The following CUL4A variants were observed in gnomAD, a reference collection of about 807,000 sequenced individuals.
CUL4A encodes the protein cullin 4A.
A neutral mutation model predicts 95.5 loss-of-function variants in CUL4A; 16 were observed. That is an observed-to-expected ratio of 0.17 (90% CI 0.11 to 0.25). The LOEUF is 0.25. Among genes scored for constraint, CUL4A ranks in the 10% least tolerant of loss-of-function variants. CUL4A has a pLI of 1.00. For missense variants in CUL4A, 610 were observed against 937.0 expected, an observed-to-expected ratio of 0.65 and a Z score of 4.56; for synonymous variants, 380 against 353.1, an observed-to-expected ratio of 1.08 and a Z score of -0.85.
intron 18 of CUL4A, 143 bp downstream of exon 18, chr13:113,255,268 C>A: frequency 1.8e-6 from 1 of 542,354 alleles, no homozygotes. Flanking sequence ...TAAGAGTACT[C>A]ATTTTCCTGT....
At chr13:113,208,484 G>A, upstream of CUL4A, 7 of 1,540,950 alleles carry the variant, frequency 4.5e-6, no homozygotes, top group Non-Finnish European at 6.1e-6. Flanking sequence ...GACCCGAACG[G>A]AAGAAGGGTG....
intron 15 of CUL4A, among the ~76,000 whole-genome samples, chr13:113,246,569 A>C (rs745851678): frequency 6.6e-6 from 1 of 152,240 alleles, no homozygotes; most frequent in Non-Finnish European, 1.5e-5. Context: ...GGCTGAGACC[A>C]GCCTGCAATC....
intron 5 of CUL4A, among the ~76,000 whole-genome samples, chr13:113,231,903 GC>G (rs1195068511): frequency 6.6e-6 from 1 of 152,028 alleles, no homozygotes; most frequent in Non-Finnish European, 1.5e-5. Flanking sequence ...GGCTCCCAGG[GC>G]CCTCTGCACA....
chr13:113,208,798 C>A (rs1488796536), upstream of CUL4A: 20 of 1,417,494 alleles, frequency 1.4e-5, no homozygotes, highest in Non-Finnish European at 1.8e-5. Flanking sequence ...GCGACGCGCT[C>A]GGGCTGAGGG....
intron 15 of CUL4A, among the ~76,000 whole-genome samples, chr13:113,252,095 C>T (rs1395802518): frequency 2.0e-5 from 3 of 152,086 alleles, no homozygotes; most frequent in East Asian, 1.9e-4. Context: ...GGGAAAGCAC[C>T]GCGCATGGGA....
At chr13:113,248,133 C>G (rs1270422009) in intron 15 of CUL4A, among the ~76,000 whole-genome samples, 1 of 151,670 alleles carries the variant, frequency 6.6e-6, no homozygotes, top group Non-Finnish European at 1.5e-5. Context: ...CTTTTGTAAT[C>G]ACTAAGTAAT....
chr13:113,208,262 T>A (rs1461189457), upstream of CUL4A: 5 of 1,445,234 alleles, frequency 3.5e-6, no homozygotes, highest in Non-Finnish European at 4.5e-6. Flanking sequence ...GCCCTCGGCG[T>A]GGCCCGCAGG....
intron 19 of CUL4A, 119 bp from the exon 20 acceptor site, chr13:113,263,364 ATATC>A (rs2042339558): frequency 5.1e-6 from 2 of 395,474 alleles, no homozygotes; most frequent in Middle Eastern, 6.6e-4. Flanking sequence ...TTTCATATAA[ATATC>A]TATTTGTATA....
chr13:113,223,002 G>A (rs955090921), intron 3 of CUL4A, among the ~76,000 whole-genome samples: 15 of 152,170 alleles, frequency 9.9e-5, no homozygotes, highest in African/African-American at 3.6e-4. Flanking sequence ...ATCGAGGGGC[G>A]AGTTTAATAT....
In CUL4A at chr13:113,229,431, C is replaced by T; in HGVS notation, c.439-15C>T. 1 of 1,612,326 alleles carries T rather than the reference C, an allele frequency of 6.2e-7. No individual in the cohort carries two copies. Among genetic ancestry groups the T allele is most frequent in the Non-Finnish European group, 8.5e-7 (1 of 1,179,242 alleles). ...TAGAATTCATAAGTAAATGGTTCTC[C>T]TTTCTGCTGGTCAGATCATGATCAG... On this transcript the variant is annotated splice_polypyrimidine_tract_variant and intron_variant, in intron 4 of 19. Transcript: ENST00000375440.
At chr13:113,244,208 T>C (rs566578394) in intron 11 of CUL4A, 1 of 539,958 alleles carries the variant, frequency 1.9e-6, no homozygotes, top group African/African-American at 1.9e-5. Flanking sequence ...AAACATTCAG[T>C]CCTGGCTTCA....
At chr13:113,224,072 G>A (rs1051722665) in intron 3 of CUL4A, among the ~76,000 whole-genome samples, 1 of 152,204 alleles carries the variant, frequency 6.6e-6, no homozygotes, top group Non-Finnish European at 1.5e-5. Context: ...TGTCAAGCCC[G>A]CAGAGTGCGG....
chr13:113,243,060 C>T lies in CUL4A; in HGVS notation c.1128C>T (p.Ile376=), dbSNP rs762801763. The change falls in exon 11 of 20, where the codon ATC becomes ATT. Residue 376 remains isoleucine (I), a synonymous_variant. Transcript: ENST00000375440. The stretch of plus-strand genomic sequence containing the variant: ...TCAAGGACAAGGTGGACCACGTGAT[C>T]GAGGTCTGCTTCCAGAAGAATGAGC... ...LDFKDKVDHV[I]EVCFQKNERF... The T allele has an allele frequency of 1.1e-5, 17 of 1,614,156 alleles. No individual in the cohort carries two copies. In the East Asian group the frequency reaches 2.7e-4, roughly 25 times the overall value.
chr13:113,239,589 C>G (rs760250044), intron 10 of CUL4A, 38 bp downstream of exon 10: 2 of 1,505,502 alleles, frequency 1.3e-6, no homozygotes, highest in Non-Finnish European at 1.8e-6. Context: ...CGTGGGCATT[C>G]CCTGCAGGGA....
chr13:113,232,375 C>T (rs1251154740), intron 5 of CUL4A, among the ~76,000 whole-genome samples: 1 of 152,138 alleles, frequency 6.6e-6, no homozygotes, highest in Non-Finnish European at 1.5e-5. Context: ...GCCACCACCA[C>T]CTGTCCACCA....
At chr13:113,222,034 G>C (rs1219105432) in intron 3 of CUL4A, among the ~76,000 whole-genome samples, 1 of 152,232 alleles carries the variant, frequency 6.6e-6, no homozygotes, top group African/African-American at 2.4e-5. Flanking sequence ...ATGCCAAGGT[G>C]GCACAGGCCA....
At chr13:113,241,511 C>CTTTTCTTTTTTTTTT (rs2041708841) in intron 10 of CUL4A, among the ~76,000 whole-genome samples, 2 of 120,096 alleles carry the variant, frequency 1.7e-5, no homozygotes, top group African/African-American at 5.9e-5. Context: ...CTGTTGGCAT[C>CTTTTCTTTTTTTTTT]TTTTTTTTTT....
chr13:113,243,762 C>G (rs970311448), intron 11 of CUL4A, among the ~76,000 whole-genome samples: 2 of 152,090 alleles, frequency 1.3e-5, no homozygotes, highest in African/African-American at 4.8e-5. Context: ...AAGAAAAAAA[C>G]TAACAAAAAC....
In CUL4A at chr13:113,254,716, C is replaced by T. The variant is rs1200273382; in HGVS notation, c.1776C>T (p.Ser592=). ...FKEGKKEFQV[S]LFQTLVLLMF... is the part of the protein sequence containing the mutation. ...AGGGGAAGAAGGAATTCCAGGTGTC[C>T]CTCTTCCAGACACTGGTGCTCCTCA... Residue 592 remains serine (S), a synonymous_variant, in exon 17 of 20, where the codon TCC becomes TCT. Coordinates refer to ENST00000375440, the MANE Select transcript of CUL4A (RefSeq NM_001008895.4). The T allele has an allele frequency of 1.2e-6, 2 of 1,611,528 alleles. No homozygotes were observed. The highest frequency in any genetic ancestry group is 1.7e-6 in the Non-Finnish European group (2 of 1,179,176).
Sources: allele counts gnomAD v4.1 joint callset (sites outside exome capture counted in the v4.1 genomes callset), GRCh38; gene constraint gnomAD v4.1.1; transcripts MANE v1.5; gene names NCBI Gene and HGNC (gene_info 2026-07-23, HGNC 2026-07-21).